LRRC9: variants seen among roughly 807,000 people sequenced by gnomAD.
The protein encoded by LRRC9 is leucine rich repeat containing 9, also known as leucine-rich repeat-containing protein 9.
A neutral mutation model predicts 63.2 loss-of-function variants in LRRC9; 122 were observed. The ratio of observed to expected loss-of-function variants is 1.93; its 90% CI spans 1.67 to 2.24. The LOEUF (loss-of-function observed/expected upper bound fraction) is 2.24. LRRC9 is among the 30% of genes most tolerant of loss of function. The pLI, the probability that LRRC9 is intolerant of heterozygous loss-of-function variation, is 0.00. For missense variants in LRRC9, 1,071 were observed against 627.7 expected, an observed-to-expected ratio of 1.71 and a Z score of -7.55; for synonymous variants, 366 against 213.1, an observed-to-expected ratio of 1.72 and a Z score of -6.25.
chr14:59,970,518 C>A (rs1240196968), intron 12 of LRRC9, among the ~76,000 whole-genome samples: 1 of 152,156 alleles, frequency 6.6e-6, no homozygotes. Context: ...CTGTTCTTCA[C>A]AATGGTTGAA....
chr14:59,928,179 G>A, intron 2 of LRRC9, 89 bp from the exon 3 acceptor site: 1 of 567,960 alleles, frequency 1.8e-6, no homozygotes, highest in Non-Finnish European at 3.1e-6. Context: ...TGGCATCAGT[G>A]CAGTTGACAA....
chr14:60,003,997 TATA>T lies in LRRC9; in HGVS notation c.2842+200_2842+202del, dbSNP rs1889605751. ...ATTGGACCATTCTACAATGTATATA[TATA>T]CTTCAAAACATCATGTTGTACAAGA... On this transcript the variant is annotated intron_variant, in intron 21 of 31. Coordinates refer to ENST00000445360, the Ensembl canonical transcript of LRRC9. This position sits in a 1 kb window ranked among gnomAD's most constrained non-coding sequence, Gnocchi z 4.2. Among the ~76,000 whole-genome samples the T allele has an allele frequency of 6.6e-6, 1 of 152,124 alleles. No homozygotes were observed.
At chr14:60,057,697 T>G in intron 30 of LRRC9, 181 bp from the exon 31 acceptor site, 1 of 347,750 alleles carries the variant, frequency 2.9e-6, no homozygotes, top group Non-Finnish European at 5.2e-6. Flanking sequence ...GGAGGTTAAC[T>G]CCCCAAAAAG....
chr14:60,004,275 G>A lies in LRRC9; in HGVS notation c.2842+477G>A, dbSNP rs1202197639. Among the ~76,000 whole-genome samples the A allele has an allele frequency of 6.6e-6, 1 of 152,018 alleles. No homozygotes were observed. The highest frequency in any genetic ancestry group is 6.6e-5 in the Admixed American group (1 of 15,234). On this transcript the variant is annotated intron_variant, in intron 21 of 31. Coordinates refer to ENST00000445360, the Ensembl canonical transcript of LRRC9. The surrounding 1 kb of genome is among the most constrained non-coding windows in gnomAD (Gnocchi z 4.8). ...TTGAGTAAACAAATGAATGAGGTAT[G>A]CTTTTGAAAAAGATAAAGCAGACTA...
chr14:59,985,935 C>T (rs1887426158), intron 17 of LRRC9, among the ~76,000 whole-genome samples: 2 of 152,040 alleles, frequency 1.3e-5, no homozygotes, highest in Non-Finnish European at 2.9e-5. Context: ...GTGTAATTTC[C>T]ATTTTTTTCT....
At chr14:60,016,507 A>C (rs760012102) in intron 23 of LRRC9, among the ~76,000 whole-genome samples, 153 bp from the exon 24 acceptor site, 1 of 152,080 alleles carries the variant, frequency 6.6e-6, no homozygotes, top group Non-Finnish European at 1.5e-5. Flanking sequence ...TGCCCTGCCT[A>C]TGTTTGTTTC....
intron 30 of LRRC9, among the ~76,000 whole-genome samples, chr14:60,054,774 T>C (rs971598952): frequency 2.0e-5 from 3 of 152,326 alleles, no homozygotes; most frequent in African/African-American, 7.2e-5. Flanking sequence ...TTACTTTTTT[T>C]TTTTTTAGAC....
chr14:60,012,987 T>C, intron 23 of LRRC9, among the ~76,000 whole-genome samples: 1 of 151,628 alleles, frequency 6.6e-6, no homozygotes, highest in Non-Finnish European at 1.5e-5. Context: ...ACTTTAAGTT[T>C]TAGGGTACAT....
intron 29 of LRRC9, among the ~76,000 whole-genome samples, chr14:60,048,114 T>G (rs765081634): frequency 8.5e-5 from 13 of 152,190 alleles, no homozygotes; most frequent in Admixed American, 3.9e-4. Flanking sequence ...AGAGACAATG[T>G]ATCAGAATCT....
intron 8 of LRRC9, among the ~76,000 whole-genome samples, chr14:59,946,231 T>A (rs1882371609): frequency 6.6e-6 from 1 of 151,302 alleles, no homozygotes; most frequent in Non-Finnish European, 1.5e-5. Flanking sequence ...TATTTAATGC[T>A]TTTTTAAAGT....
intron 12 of LRRC9, among the ~76,000 whole-genome samples, chr14:59,971,002 C>G (rs1885427433): frequency 6.6e-6 from 1 of 152,094 alleles, no homozygotes; most frequent in Non-Finnish European, 1.5e-5. Context: ...TTGCCCATTC[C>G]TACGTCCAGA....
intron 17 of LRRC9, among the ~76,000 whole-genome samples, chr14:59,992,636 C>T (rs967210165): frequency 1.3e-5 from 2 of 152,142 alleles, no homozygotes; most frequent in Non-Finnish European, 2.9e-5. Context: ...AGCTGAAAAC[C>T]AAGGCACAAG....
rs1344080718 is a variant in LRRC9, at chr14:59,944,607, AT to A, written c.746del (p.Ile249LysfsTer8). 8.6e-6 allele frequency: 5 copies of A among 578,296 alleles called. No individual in the cohort carries two copies. The highest frequency in any genetic ancestry group is 6.8e-5 in the South Asian group (3 of 44,070). The allele number at this position is 578,296 out of a possible 1,614,324, so 35.8% of individuals were successfully genotyped here. A position where few individuals can be genotyped will look rare whatever the true frequency, so the allele number is the denominator to read the frequency against. ...CTTTTAGACCACAGCAATGAAAAAA[AT>A]AATGTATTATAATATGCGTATAAAA... is the stretch of plus-strand genomic sequence containing the variant. On this transcript the variant is annotated frameshift_variant, in exon 8 of 32. Coordinates refer to ENST00000445360, the Ensembl canonical transcript of LRRC9. LOFTEE classifies it high-confidence loss of function.
chr14:60,051,448 T>G lies in LRRC9; in HGVS notation c.3991-1617T>G, dbSNP rs1472505733. 6.6e-6 allele frequency among the ~76,000 whole-genome samples: 1 copy of G among 152,230 alleles called. No individual in the cohort carries two copies. The highest frequency in any genetic ancestry group is 1.5e-5 in the Non-Finnish European group (1 of 68,042). On this transcript the variant is annotated intron_variant, in intron 29 of 31. Coordinates refer to ENST00000445360, the Ensembl canonical transcript of LRRC9. This position sits in a 1 kb window ranked among gnomAD's most constrained non-coding sequence, Gnocchi z 4.7. The stretch of plus-strand genomic sequence containing the variant: ...CTCTACAGATGGCAGGCTGGAACGC[T>G]GACTTGACTGAACCACAGAAATGGC...
chr14:59,975,113 G>GTA (rs749565284), intron 13 of LRRC9, among the ~76,000 whole-genome samples: 1,842 of 13,506 alleles, frequency 0.14, 267 homozygotes, highest in East Asian at 0.47. Flanking sequence ...ATATATATAT[G>GTA]TATATATATA....
At chr14:59,999,342 T>A (rs897308260) in intron 19 of LRRC9, 116 bp downstream of exon 19, 4 of 493,540 alleles carry the variant, frequency 8.1e-6, no homozygotes, top group Admixed American at 3.7e-5. Context: ...TAATAAAAAA[T>A]TAATATAGAG....
rs1296228309 is a variant in LRRC9, at chr14:60,060,367, T to C, written c.4276+2345T>C. ...TTCATGCCTGCTAACACAACATCCATGCTGTGGCTGATGGATCAAGGAGTA... is the reference window on the plus strand; with the variant it reads ...TTCATGCCTGCTAACACAACATCCACGCTGTGGCTGATGGATCAAGGAGTA... On this transcript the variant is annotated intron_variant, in intron 31 of 31. Coordinates refer to ENST00000445360, the Ensembl canonical transcript of LRRC9. The surrounding 1 kb of genome is among the most constrained non-coding windows in gnomAD (Gnocchi z 4.0). 6.6e-6 allele frequency among the ~76,000 whole-genome samples: 1 copy of C among 152,218 alleles called. No individual in the cohort carries two copies. The highest frequency in any genetic ancestry group is 1.5e-5 in the Non-Finnish European group (1 of 68,030).
At chr14:60,000,018 A>G (rs1889196970) in intron 19 of LRRC9, among the ~76,000 whole-genome samples, 1 of 152,132 alleles carries the variant, frequency 6.6e-6, no homozygotes, top group African/African-American at 2.4e-5. Context: ...CACTATTCAC[A>G]ATAGCGAAAT....
At chr14:60,011,370 C>T (rs1389019581) in intron 23 of LRRC9, among the ~76,000 whole-genome samples, 1 of 152,194 alleles carries the variant, frequency 6.6e-6, no homozygotes, top group East Asian at 1.9e-4. Context: ...TCCCACAACA[C>T]AAGTGGATTA....
Sources: allele counts gnomAD v4.1 joint callset (sites outside exome capture counted in the v4.1 genomes callset), GRCh38; gene constraint gnomAD v4.1.1; non-coding constraint Gnocchi (gnomAD v3.1); transcripts MANE v1.5; gene names NCBI Gene and HGNC (gene_info 2026-07-23, HGNC 2026-07-21).